Variants in NRG3 observed in about 807,000 individuals in gnomAD.
NRG3 encodes the protein neuregulin 3.
NRG3 carries 31 observed loss-of-function variants against 66.9 expected under a neutral mutation model. The ratio of observed to expected loss-of-function variants is 0.46; its 90% confidence interval spans 0.35 to 0.63. NRG3 has a LOEUF of 0.63. NRG3 is among the 20% of genes least tolerant of loss of function. The pLI, the probability that NRG3 is intolerant of heterozygous loss-of-function variation, is 0.00. For synonymous variants in NRG3, 393 were observed against 359.4 expected (o/e 1.09, Z -1.06); for missense variants, 910 against 878.9 (o/e 1.04, Z -0.45).
At chr10:82,350,033 T>G (rs574838674) in intron 1 of NRG3, among the ~76,000 whole-genome samples, 133 of 152,282 alleles carry the variant, frequency 8.7e-4, no homozygotes, top group African/African-American at 2.8e-3. Flanking sequence ...TCTGCGTCGC[T>G]CACGCTGGGA....
At position 82,098,278 on chromosome 10, in the gene NRG3, A is replaced by T. The variant is rs1034022767; in HGVS notation, c.823+222115A>T. 2.0e-5 allele frequency among the ~76,000 whole-genome samples: 3 copies of T among 151,432 alleles called. No homozygotes were observed. In the East Asian group the frequency reaches 5.8e-4, roughly 29 times the overall value. On this transcript the variant is annotated intron_variant, in intron 1 of 8. Coordinates refer to ENST00000372141, the MANE Select transcript of NRG3 (RefSeq NM_001010848.4). ...TATGTCATATATAGATGTCATATATATATGTCATTTATATATATGTCATAT... is the reference window on the plus strand; with the variant it reads ...TATGTCATATATAGATGTCATATATTTATGTCATTTATATATATGTCATAT...
intron 1 of NRG3, among the ~76,000 whole-genome samples, chr10:82,178,691 A>G (rs1182725187): frequency 6.6e-6 from 1 of 152,118 alleles, no homozygotes; most frequent in Non-Finnish European, 1.5e-5. Context: ...GAGTGCAGAT[A>G]TCTCTCTTTG....
rs778580816 is a variant in NRG3, at chr10:81,875,564, G to C, written c.224G>C (p.Gly75Ala). ...TWLCVVPLFI[G>A]FIGLGLSLML... ...CTGTGCGTGGTACCTCTGTTCATCG[G>C]CTTCATCGGCCTGGGGCTCAGCCTC... is the stretch of plus-strand genomic sequence containing the variant. Residue 75 changes from glycine to alanine, a missense_variant, in exon 1 of 9, where the codon GGC becomes GCC. Transcript: ENST00000372141. This position sits in a 1 kb window ranked among gnomAD's most constrained non-coding sequence, Gnocchi z 5.3. 3 of 1,613,214 alleles carry C rather than the reference G, an allele frequency of 1.9e-6. No individual in the cohort carries two copies. In the East Asian group the frequency reaches 6.7e-5, roughly 36 times the overall value.
chr10:82,460,720 A>G (rs2091472917), intron 2 of NRG3, among the ~76,000 whole-genome samples: 1 of 152,140 alleles, frequency 6.6e-6, no homozygotes, highest in South Asian at 2.1e-4. Flanking sequence ...GAGCACAGAT[A>G]TGACACTGCA....
rs117449455 is a variant in NRG3 at position 82,680,372 on chromosome 10, A to T, written c.954-58205A>T. 8.5e-4 allele frequency among the ~76,000 whole-genome samples: 130 copies of T among 152,362 alleles called. 5 individuals carry two copies. The East Asian group carries it at 0.022, about 25-fold the overall frequency. Reference sequence around the variant, plus strand: ...AATTTTATCCACTGCTAAATCACCAATAATCAGCAGAATGCCTGACACATT... The same window carrying T: ...AATTTTATCCACTGCTAAATCACCATTAATCAGCAGAATGCCTGACACATT... On this transcript the variant is annotated intron_variant, in intron 2 of 8. Transcript: ENST00000372141.
chr10:82,723,286 G>T (rs1213474097), intron 2 of NRG3, among the ~76,000 whole-genome samples: 1 of 152,090 alleles, frequency 6.6e-6, no homozygotes, highest in Non-Finnish European at 1.5e-5. Flanking sequence ...ACATAAAAAT[G>T]GCAACAATAG....
intron 3 of NRG3, among the ~76,000 whole-genome samples, chr10:82,797,524 G>A (rs1384435071): frequency 6.6e-6 from 1 of 151,778 alleles, no homozygotes; most frequent in African/African-American, 2.4e-5. Context: ...TTTTTTTTCT[G>A]TCACTCAGAT....
intron 3 of NRG3, among the ~76,000 whole-genome samples, chr10:82,791,865 G>C (rs544905671): frequency 7.2e-5 from 11 of 152,244 alleles, no homozygotes; most frequent in Non-Finnish European, 1.2e-4. Context: ...GTCAGATAAA[G>C]TTTAAAAAAG....
intron 2 of NRG3, among the ~76,000 whole-genome samples, chr10:82,568,330 T>C (rs183372453): frequency 6.6e-6 from 1 of 151,644 alleles, no homozygotes; most frequent in Non-Finnish European, 1.5e-5. Context: ...ACATCAGCTT[T>C]AGTTTAGTTA....
intron 2 of NRG3, among the ~76,000 whole-genome samples, chr10:82,420,350 A>C (rs1009555043): frequency 2.0e-5 from 3 of 152,162 alleles, no homozygotes; most frequent in African/African-American, 7.2e-5. Context: ...GTAGTTACAG[A>C]ATATATAACT....
chr10:82,516,024 A>T (rs997898695), intron 2 of NRG3, among the ~76,000 whole-genome samples: 2 of 152,198 alleles, frequency 1.3e-5, no homozygotes, highest in African/African-American at 4.8e-5. Flanking sequence ...AAGCATTCCC[A>T]TGCAGGTTGG....
intron 1 of NRG3, among the ~76,000 whole-genome samples, chr10:82,262,771 G>A (rs1163927454): frequency 6.6e-6 from 1 of 152,130 alleles, no homozygotes; most frequent in Admixed American, 6.5e-5. Flanking sequence ...TTCTATATGT[G>A]ATCTGCTTTT....
rs17100057 is a variant in NRG3, at chr10:82,421,433, C to T, written c.953+62565C>T. Among the ~76,000 whole-genome samples the T allele has an allele frequency of 9.8e-4, 149 of 151,912 alleles. 4 individuals carry two copies. In the East Asian group the frequency reaches 0.024, roughly 24 times the overall value. ...AATAGAGAAAAAGTCTATGCGGCAA[C>T]AATGATGTACTCTTAGCATGACACA... is the stretch of plus-strand genomic sequence containing the variant. On this transcript the variant is annotated intron_variant, in intron 2 of 8. Transcript: ENST00000372141.
At chr10:81,939,846 T>C (rs1303584918) in intron 1 of NRG3, among the ~76,000 whole-genome samples, 1 of 152,000 alleles carries the variant, frequency 6.6e-6, no homozygotes, top group Non-Finnish European at 1.5e-5. Flanking sequence ...TTTTTCCAGT[T>C]CCTTGATGTA....
At chr10:82,263,776 G>A (rs193227143) in intron 1 of NRG3, among the ~76,000 whole-genome samples, 141 of 152,198 alleles carry the variant, frequency 9.3e-4, no homozygotes, top group Non-Finnish European at 4.4e-5. Context: ...AACTCCAAGA[G>A]CACTAGTATT....
At chr10:82,778,521 C>T (rs1396593074) in intron 3 of NRG3, among the ~76,000 whole-genome samples, 1 of 152,134 alleles carries the variant, frequency 6.6e-6, no homozygotes, top group Non-Finnish European at 1.5e-5. Context: ...CAAACTCACT[C>T]ATTATCATGA....
At chr10:82,449,773 C>G (rs565010881) in intron 2 of NRG3, among the ~76,000 whole-genome samples, 2 of 152,264 alleles carry the variant, frequency 1.3e-5, no homozygotes, top group East Asian at 3.9e-4. Flanking sequence ...AACAGCTCCA[C>G]TTACTCCAAT....
At chr10:82,298,159 A>G (rs994054400) in intron 1 of NRG3, among the ~76,000 whole-genome samples, 29 of 151,498 alleles carry the variant, frequency 1.9e-4, no homozygotes, top group Admixed American at 7.3e-4. Flanking sequence ...AGAAAGAAAG[A>G]AAGAGAGAGG....
rs372756639 is a variant in NRG3, at chr10:82,200,979, C to T, written c.824-157760C>T. 5.6e-3 allele frequency among the ~76,000 whole-genome samples: 849 copies of T among 151,962 alleles called. 11 individuals carry two copies. Among genetic ancestry groups the T allele is most frequent in the African/African-American group, 0.019 (786 of 41,452 alleles). On this transcript the variant is annotated intron_variant, in intron 1 of 8. Transcript: ENST00000372141. ...TTGGGAGGCCGAGGTGGGCGGATCA[C>T]GAGGTCAGGAGTTAGAGACCAGCCT...
Sources: gnomAD v4.1 joint callset for allele counts (sites outside exome capture counted in the v4.1 genomes callset) on GRCh38, gnomAD v4.1.1 for gene constraint, Gnocchi (gnomAD v3.1) non-coding constraint, MANE v1.5 for transcripts, NCBI Gene and HGNC (gene_info 2026-07-23, HGNC 2026-07-21) for gene names.